Variants in DYRK1A observed in about 807,000 individuals in gnomAD.
DYRK1A encodes the protein dual specificity tyrosine phosphorylation regulated kinase 1A.
In DYRK1A, 9 loss-of-function variants were observed where a neutral mutation model predicts 79.7. That is an observed-to-expected ratio of 0.11 (90% CI 0.07 to 0.20). The LOEUF (loss-of-function observed/expected upper bound fraction) is 0.20. DYRK1A is among the 10% of genes least tolerant of loss of function. The probability of loss-of-function intolerance (pLI) is 1.00; values close to 1 mark genes in which losing one functional copy is unlikely to be tolerated. For missense variants in DYRK1A, 622 were observed against 956.0 expected, an observed-to-expected ratio of 0.65 and a Z score of 4.61; for synonymous variants, 349 against 329.7, an observed-to-expected ratio of 1.06 and a Z score of -0.63.
At chr21:37,499,891 A>G (rs1017231787) in intron 9 of DYRK1A, among the ~76,000 whole-genome samples, 2 of 152,128 alleles carry the variant, frequency 1.3e-5, no homozygotes, top group African/African-American at 4.8e-5. Flanking sequence ...TCTGTATCTG[A>G]AGGTTCCACA....
At chr21:37,495,114 ACTTTATTAGGTC>A (rs2053221838) in intron 8 of DYRK1A, among the ~76,000 whole-genome samples, 1 of 151,204 alleles carries the variant, frequency 6.6e-6, no homozygotes, top group African/African-American at 2.4e-5. Flanking sequence ...TTAAAAAAGT[ACTTTATTAGGTC>A]CATACTTTAT....
At chr21:37,379,070 G>T (rs979825760) in intron 1 of DYRK1A, among the ~76,000 whole-genome samples, 6 of 152,118 alleles carry the variant, frequency 3.9e-5, no homozygotes, top group African/African-American at 1.4e-4. Flanking sequence ...AGAGAGGGAG[G>T]GAGAGTGAGT....
At chr21:37,446,220 A>G (rs1014497327) in intron 2 of DYRK1A, among the ~76,000 whole-genome samples, 3 of 152,162 alleles carry the variant, frequency 2.0e-5, no homozygotes, top group African/African-American at 7.2e-5. Context: ...GGGCCTCTCA[A>G]CGCTCTCATT....
chr21:37,502,947 C>T (rs2053493944), intron 9 of DYRK1A: 2 of 152,106 alleles, frequency 1.3e-5, no homozygotes, highest in Admixed American at 6.5e-5. Flanking sequence ...GATGTATTGA[C>T]TTTTTTTCTG....
intron 2 of DYRK1A, among the ~76,000 whole-genome samples, chr21:37,427,370 C>A (rs905083436): frequency 6.6e-6 from 1 of 152,178 alleles, no homozygotes; most frequent in Non-Finnish European, 1.5e-5. Context: ...GTGATTCTTC[C>A]GCCTTAACCT....
At chr21:37,423,058 C>T (rs2148433097) in intron 2 of DYRK1A, among the ~76,000 whole-genome samples, 1 of 152,238 alleles carries the variant, frequency 6.6e-6, no homozygotes, top group South Asian at 2.1e-4. Flanking sequence ...ATAGGTGCTG[C>T]TCTGCATACA....
At chr21:37,389,928 T>G (rs2049838666) in intron 1 of DYRK1A, among the ~76,000 whole-genome samples, 1 of 150,862 alleles carries the variant, frequency 6.6e-6, no homozygotes, top group African/African-American at 2.4e-5. Context: ...GTTTTTTGTT[T>G]TTTTTTTTTT....
chr21:37,443,795 C>CTG (rs113147251), intron 2 of DYRK1A, among the ~76,000 whole-genome samples: 1,612 of 152,160 alleles, frequency 0.011, 14 homozygotes, highest in African/African-American at 0.027. Context: ...GGTGGTCTTC[C>CTG]TGTGTGTGTG....
At chr21:37,475,207 G>A (rs2052354132) in intron 3 of DYRK1A, among the ~76,000 whole-genome samples, 2 of 152,230 alleles carry the variant, frequency 1.3e-5, no homozygotes, top group Non-Finnish European at 2.9e-5. Flanking sequence ...GGCAGCAGGA[G>A]GAGGTCACCT....
intron 1 of DYRK1A, among the ~76,000 whole-genome samples, chr21:37,384,247 T>A (rs892161712): frequency 2.6e-5 from 4 of 152,178 alleles, no homozygotes; most frequent in Non-Finnish European, 5.9e-5. Flanking sequence ...AGAGTTCTTA[T>A]ACATCTACTT....
At chr21:37,486,983 T>C (rs2052893512) in intron 6 of DYRK1A, 1 of 155,910 alleles carries the variant, frequency 6.4e-6, no homozygotes, top group South Asian at 2.0e-4. Context: ...AGCTAGTATG[T>C]TCTTAGTGGT....
At position 37,424,073 on chromosome 21, in the gene DYRK1A, A is replaced by G. The variant is rs142743609; in HGVS notation, c.10+3689A>G. Among the ~76,000 whole-genome samples, 36 of 152,206 alleles carry G rather than the reference A, an allele frequency of 2.4e-4. 1 individual carries two copies. The East Asian group carries it at 6.0e-3, about 25-fold the overall frequency. On this transcript the variant is annotated intron_variant, in intron 2 of 11. Transcript: ENST00000647188. ...AAACCCCAACTTTTAAAATCCCATC[A>G]TATGTGGGGTACACTAGGAGAATGA...
intron 1 of DYRK1A, among the ~76,000 whole-genome samples, chr21:37,406,074 C>T (rs2050141366): frequency 6.6e-6 from 1 of 151,762 alleles, no homozygotes; most frequent in Admixed American, 6.6e-5. Flanking sequence ...GGGGACGTCC[C>T]AGTGTTAGCC....
intron 3 of DYRK1A, among the ~76,000 whole-genome samples, chr21:37,474,586 G>T (rs2052335306): frequency 6.6e-6 from 1 of 152,320 alleles, no homozygotes; most frequent in Admixed American, 6.5e-5. Context: ...CTGGTTGTAG[G>T]ATTTGAGTTA....
chr21:37,371,893 C>T (rs1171161860), intron 1 of DYRK1A, among the ~76,000 whole-genome samples: 1 of 152,002 alleles, frequency 6.6e-6, no homozygotes, highest in African/African-American at 2.4e-5. Context: ...CCTAATTTTT[C>T]TTGAGTGTAT....
intron 11 of DYRK1A, among the ~76,000 whole-genome samples, chr21:37,509,521 A>G (rs1488419299): frequency 6.6e-6 from 1 of 152,156 alleles, no homozygotes; most frequent in African/African-American, 2.4e-5. Flanking sequence ...ATCACAGCTC[A>G]CTGCAGCCTT....
intron 2 of DYRK1A, among the ~76,000 whole-genome samples, chr21:37,471,464 G>T (rs1430790398): frequency 1.4e-4 from 22 of 152,210 alleles, no homozygotes; most frequent in Admixed American, 1.4e-3. Context: ...GGCCCCATGA[G>T]CCTTTACTGC....
intron 11 of DYRK1A, among the ~76,000 whole-genome samples, chr21:37,509,909 T>G (rs1180217383): frequency 6.6e-6 from 1 of 152,254 alleles, no homozygotes; most frequent in South Asian, 2.1e-4. Context: ...TTTTAAATTC[T>G]GTTATGAGTA....
chr21:37,467,122 CA>C (rs1569349099), intron 2 of DYRK1A, among the ~76,000 whole-genome samples: 2 of 122,860 alleles, frequency 1.6e-5, no homozygotes, highest in African/African-American at 8.6e-5. Flanking sequence ...AAAAAAAAAA[CA>C]AAACAAAAAA....
Sources: allele counts gnomAD v4.1 joint callset (sites outside exome capture counted in the v4.1 genomes callset), GRCh38; gene constraint gnomAD v4.1.1; transcripts MANE v1.5; gene names NCBI Gene and HGNC (gene_info 2026-07-23, HGNC 2026-07-21).